Variants in IRAG1 observed in about 807,000 individuals in gnomAD.
IRAG1 encodes IP3R-associated cGMP kinase substrate.
A neutral mutation model predicts 106.2 loss-of-function variants in IRAG1; 62 were observed. The observed-to-expected ratio is 0.58, with a 90% confidence interval of 0.48 to 0.72. The LOEUF (loss-of-function observed/expected upper bound fraction) is 0.72. Among genes scored for constraint, IRAG1 ranks in the 30% least tolerant of loss-of-function variants. IRAG1 has a pLI of 0.00. For synonymous variants in IRAG1, 462 were observed against 443.9 expected, an observed-to-expected ratio of 1.04 and a Z score of -0.51; for missense variants, 1,064 against 1,140.7, an observed-to-expected ratio of 0.93 and a Z score of 0.97.
rs916002410 is a variant in IRAG1 at position 10,669,613 on chromosome 11, G to A, written c.68-17431C>T. Among the ~76,000 whole-genome samples, 4 of 152,206 alleles carry A rather than the reference G, an allele frequency of 2.6e-5. No homozygotes were observed. The South Asian group carries it at 6.2e-4, about 24-fold the overall frequency. ...TGGAAAACTCTGTGCTGGATGAAGT[G>A]GAAACACTCAGCTCTCCCCCGAGGC... On this transcript the variant is annotated intron_variant, in intron 1 of 20. Coordinates refer to ENST00000423302, the MANE Select transcript of IRAG1 (RefSeq NM_130385.4).
chr11:10,576,399 CA>C lies in IRAG1; in HGVS notation c.2671del (p.Cys891AlafsTer28), dbSNP rs1850815310. On this transcript the variant is annotated frameshift_variant, in exon 21 of 21. Coordinates refer to ENST00000423302, the MANE Select transcript of IRAG1 (RefSeq NM_130385.4). LOFTEE classifies it high-confidence loss of function. Reference sequence around the variant, plus strand: ...CCAGGAGTCCCTCTGGGCTGCCGAGCAAGTGGATCTTCCAAGGGGCCCATCA... The same window carrying C: ...CCAGGAGTCCCTCTGGGCTGCCGAGCAGTGGATCTTCCAAGGGGCCCATCA... ...QADGPLGRST[C>X]SAAQRDSWWS... 1.2e-6 allele frequency: 2 copies of C among 1,613,858 alleles called. No homozygotes were observed.
rs1554937153 is a variant in IRAG1 at position 10,687,876 on chromosome 11, T to TTG, written c.67+5659_67+5660insCA. The TTG allele has an allele frequency of 8.3e-4, 798 of 963,970 alleles. 3 individuals carry two copies. Among genetic ancestry groups the TTG allele is most frequent in the African/African-American group, 4.7e-3 (249 of 53,056 alleles). 59.7% of individuals were successfully genotyped at this position (963,970 alleles called of 1,614,324 possible). ...TAAGGGATTTAGCTTTGCTTTTTTT[T>TTG]GGGGGGGGGTGGTATTTAACTTTGT... is the stretch of plus-strand genomic sequence containing the variant. On this transcript the variant is annotated intron_variant, in intron 1 of 20. Coordinates refer to ENST00000423302, the MANE Select transcript of IRAG1 (RefSeq NM_130385.4).
chr11:10,590,737 TG>T (rs747565781), intron 18 of IRAG1, among the ~76,000 whole-genome samples: 82 of 152,344 alleles, frequency 5.4e-4, no homozygotes, highest in Non-Finnish European at 8.5e-4. Flanking sequence ...TGGCTGAGGA[TG>T]AAAAGATCTG....
intron 4 of IRAG1, 119 bp downstream of exon 4, chr11:10,631,872 C>G (rs961352663): frequency 1.0e-5 from 8 of 762,872 alleles, no homozygotes; most frequent in Non-Finnish European, 1.4e-5. Context: ...CTACCCTGTC[C>G]TGTTGGACTT....
At chr11:10,682,017 T>C (rs1330665568) in intron 1 of IRAG1, among the ~76,000 whole-genome samples, 1 of 152,226 alleles carries the variant, frequency 6.6e-6, no homozygotes, top group Non-Finnish European at 1.5e-5. Context: ...AAGGGCAATA[T>C]GGCCTTGGCT....
At chr11:10,586,963 T>C (rs1211399762) in intron 18 of IRAG1, among the ~76,000 whole-genome samples, 1 of 152,198 alleles carries the variant, frequency 6.6e-6, no homozygotes, top group African/African-American at 2.4e-5. Flanking sequence ...CTGTAAATGG[T>C]TATTTCCTGA....
chr11:10,678,011 G>GTCTATCTA lies in IRAG1; in HGVS notation c.67+15517_67+15524dup, dbSNP rs10606111. 5.1e-3 allele frequency among the ~76,000 whole-genome samples: 728 copies of GTCTATCTA among 142,170 alleles called. 4 individuals are homozygous for GTCTATCTA. Among genetic ancestry groups the GTCTATCTA allele is most frequent in the South Asian group, 0.028 (126 of 4,564 alleles). The allele number at this position is 142,170 out of a possible 152,430, so 93.3% of individuals were successfully genotyped here. ...TCCATCATTATCTATCTCTCTATCTGTCTATCTATCTATCTATCTATCATC... is the reference window on the plus strand; with the variant it reads ...TCCATCATTATCTATCTCTCTATCTGTCTATCTATCTATCTATCTATCTATCTATCATC... On this transcript the variant is annotated intron_variant, in intron 1 of 20. Transcript: ENST00000423302.
intron 2 of IRAG1, among the ~76,000 whole-genome samples, chr11:10,643,848 C>T (rs1857734226): frequency 6.6e-6 from 1 of 152,240 alleles, no homozygotes; most frequent in Non-Finnish European, 1.5e-5. Flanking sequence ...CACACATAGC[C>T]TGATGTGTGG....
intron 2 of IRAG1, among the ~76,000 whole-genome samples, chr11:10,643,428 G>A (rs957255286): frequency 6.6e-6 from 1 of 152,124 alleles, no homozygotes; most frequent in Non-Finnish European, 1.5e-5. Context: ...TCCTGCCATT[G>A]TCCATTTATT....
At chr11:10,609,624 T>G (rs1854773114) in intron 11 of IRAG1, 104 bp downstream of exon 11, 1 of 1,363,714 alleles carries the variant, frequency 7.3e-7, no homozygotes, top group East Asian at 2.5e-5. Flanking sequence ...CTTTGGCCCT[T>G]CTGGGTTCAA....
chr11:10,591,741 C>T (rs1852699432), intron 17 of IRAG1, 129 bp from the exon 18 acceptor site: 2 of 826,258 alleles, frequency 2.4e-6, no homozygotes, highest in Non-Finnish European at 2.0e-6. Context: ...CCCCACTTTC[C>T]AATCTTCATC....
chr11:10,606,030 G>A (rs962208318), intron 12 of IRAG1, among the ~76,000 whole-genome samples: 1 of 152,214 alleles, frequency 6.6e-6, no homozygotes, highest in Non-Finnish European at 1.5e-5. Flanking sequence ...GTTAGGATCA[G>A]CTGAAAGGAT....
intron 1 of IRAG1, among the ~76,000 whole-genome samples, chr11:10,684,618 A>G (rs979983525): frequency 3.4e-5 from 5 of 147,214 alleles, no homozygotes; most frequent in Non-Finnish European, 7.5e-5. Context: ...AATAATAATA[A>G]TAATAATAAT....
Position 10,576,700 on chromosome 11 carries a change from T to G in IRAG1, c.2496-125A>C, listed in dbSNP as rs1850846865. ...GAGCAATAGTTCTCAAACTTAGCTG[T>G]GCCTAGATTGGGTTGGCAGCAATTG... On this transcript the variant is annotated intron_variant, in intron 20 of 20. Transcript: ENST00000423302. 8.2e-6 allele frequency: 10 copies of G among 1,223,128 alleles called. No individual in the cohort carries two copies. In the South Asian group the frequency reaches 1.4e-4, roughly 17 times the overall value. 75.8% of individuals were successfully genotyped at this position (1,223,128 alleles called of 1,614,324 possible). A position where few individuals can be genotyped will look rare whatever the true frequency, so the allele number is the denominator to read the frequency against.
chr11:10,680,373 G>A (rs1861096988), intron 1 of IRAG1, among the ~76,000 whole-genome samples: 5 of 66,156 alleles, frequency 7.6e-5, no homozygotes, highest in African/African-American at 4.6e-4. Context: ...AAGAAAGAAG[G>A]AAGGAAGGAA....
At chr11:10,664,077 T>C (rs1859601531) in intron 1 of IRAG1, among the ~76,000 whole-genome samples, 1 of 152,146 alleles carries the variant, frequency 6.6e-6, no homozygotes, top group Non-Finnish European at 1.5e-5. Context: ...GATAGGGCAG[T>C]GCTCTTGATC....
At chr11:10,604,649 C>G (rs1459799259) in intron 12 of IRAG1, 104 bp from the exon 13 acceptor site, 3 of 1,378,860 alleles carry the variant, frequency 2.2e-6, no homozygotes, top group African/African-American at 2.9e-5. Flanking sequence ...GCCCCTGGAA[C>G]AGCCGCCAAA....
chr11:10,672,846 A>C (rs942611729), intron 1 of IRAG1, among the ~76,000 whole-genome samples: 3 of 152,244 alleles, frequency 2.0e-5, no homozygotes, highest in Non-Finnish European at 4.4e-5. Flanking sequence ...GAAAATGTAT[A>C]TCCACATAAA....
intron 1 of IRAG1, among the ~76,000 whole-genome samples, chr11:10,656,890 A>C (rs1178960421): frequency 2.6e-5 from 4 of 151,888 alleles, no homozygotes; most frequent in Non-Finnish European, 4.4e-5. Flanking sequence ...CTCCCAGGGG[A>C]GGGCTGGAGT....
Sources: allele counts gnomAD v4.1 joint callset (sites outside exome capture counted in the v4.1 genomes callset), GRCh38; gene constraint gnomAD v4.1.1; transcripts MANE v1.5; gene names NCBI Gene and HGNC (gene_info 2026-07-23, HGNC 2026-07-21).